KLHL24: variants seen among roughly 807,000 people sequenced by gnomAD.
KLHL24 encodes kelch-like protein 24.
KLHL24 carries 29 observed loss-of-function variants against 53.4 expected under a neutral mutation model. The ratio of observed to expected loss-of-function variants is 0.54; its 90% CI spans 0.40 to 0.74. The LOEUF (loss-of-function observed/expected upper bound fraction) is 0.74. Ranked by LOEUF, KLHL24 falls within the 30% of genes least tolerant of loss-of-function variation. The pLI, the probability that KLHL24 is intolerant of heterozygous loss-of-function variation, is 0.00. For synonymous variants in KLHL24, 222 were observed against 253.7 expected (o/e 0.88, Z 1.19); for missense variants, 504 against 744.0 (o/e 0.68, Z 3.75).
chr3:183,665,284 AG>A (rs1720368509), intron 5 of KLHL24, among the ~76,000 whole-genome samples: 1 of 152,226 alleles, frequency 6.6e-6, no homozygotes, highest in Non-Finnish European at 1.5e-5. Context: ...GCATCACTGA[AG>A]TCCAAATGCC....
intron 2 of KLHL24, among the ~76,000 whole-genome samples, chr3:183,648,171 C>T (rs1364031278): frequency 6.6e-6 from 1 of 151,868 alleles, no homozygotes; most frequent in Non-Finnish European, 1.5e-5. Flanking sequence ...TGAGAGAATT[C>T]ATGAAAATTG....
intron 7 of KLHL24, 70 bp downstream of exon 7, chr3:183,672,554 C>A: frequency 1.8e-6 from 2 of 1,100,214 alleles, no homozygotes; most frequent in African/African-American, 1.6e-5. Context: ...ATTATTAATA[C>A]ACTGGAATTT....
chr3:183,662,742 G>A (rs1719983451), intron 3 of KLHL24, among the ~76,000 whole-genome samples: 1 of 152,164 alleles, frequency 6.6e-6, no homozygotes, highest in Admixed American at 6.5e-5. Context: ...TGTAATGATA[G>A]AAATGGGGGG....
rs1719688355 is a variant in KLHL24 at position 183,661,029 on chromosome 3, C to A, written c.921-2429C>A. Among the ~76,000 whole-genome samples the A allele has an allele frequency of 2.6e-5, 2 of 75,676 alleles. 1 individual carries two copies. The highest frequency in any genetic ancestry group is 1.6e-4 in the African/African-American group (2 of 12,792). 49.6% of individuals were successfully genotyped at this position (75,676 alleles called of 152,430 possible). A position where few individuals can be genotyped will look rare whatever the true frequency, so the allele number is the denominator to read the frequency against. Reference sequence around the variant, plus strand: ...GCAGTGAGCCGAGATTGCGCCACCGCACTCCAGCCTGGGCGACAGAGCGAG... The same window carrying A: ...GCAGTGAGCCGAGATTGCGCCACCGAACTCCAGCCTGGGCGACAGAGCGAG... On this transcript the variant is annotated intron_variant, in intron 3 of 7. Transcript: ENST00000242810.
chr3:183,663,786 T>G lies in KLHL24; in HGVS notation c.1105+144T>G. The G allele has an allele frequency of 1.9e-6, 1 of 513,714 alleles. No individual in the cohort carries two copies. 31.8% of individuals were successfully genotyped at this position (513,714 alleles called of 1,614,324 possible). ...TACAACAAATAAAACCAAGAATGAC[T>G]TTTTGCTCTTAAAAACAGGTACAAG... On this transcript the variant is annotated intron_variant, in intron 4 of 7. Coordinates refer to ENST00000242810, the MANE Select transcript of KLHL24 (RefSeq NM_017644.3). The surrounding 1 kb of genome is among the most constrained non-coding windows in gnomAD (Gnocchi z 4.9).
intron 3 of KLHL24, among the ~76,000 whole-genome samples, chr3:183,661,076 A>AAC (rs1274005274): frequency 1.6e-5 from 2 of 127,294 alleles, no homozygotes; most frequent in African/African-American, 7.0e-5. Flanking sequence ...AAAAAAAAAA[A>AAC]AAAAAAAAAA....
At chr3:183,646,687 T>G (rs1287685264) in intron 2 of KLHL24, among the ~76,000 whole-genome samples, 1 of 152,192 alleles carries the variant, frequency 6.6e-6, no homozygotes, top group African/African-American at 2.4e-5. Context: ...CTAATTGATA[T>G]GAAGAGAATT....
rs369840916 is a variant in KLHL24, at chr3:183,679,241, C to T, written c.1758C>T (p.Gly586=). 3.7e-6 allele frequency: 6 copies of T among 1,613,950 alleles called. No homozygotes were observed. In the African/African-American group the frequency reaches 8.0e-5, roughly 22 times the overall value. The change falls in exon 8 of 8, where the codon GGC becomes GGT. Residue 586 remains glycine, a synonymous_variant. Transcript: ENST00000242810. ...AAMPRPVSYH[G]CVTIHRYNEK... is the part of the protein sequence containing the mutation. ...TGCCCAGGCCAGTGTCCTATCATGG[C>T]TGTGTGACTATTCATAGATACAATG...
At chr3:183,641,783 T>A (rs1716488080) in intron 1 of KLHL24, among the ~76,000 whole-genome samples, 1 of 152,198 alleles carries the variant, frequency 6.6e-6, no homozygotes, top group African/African-American at 2.4e-5. Flanking sequence ...CCTCATCGTA[T>A]AGAATTTCTG....
At chr3:183,655,795 GCCTGTAGTCCCATCTACTCGGGA>G (rs1333707681) in intron 3 of KLHL24, among the ~76,000 whole-genome samples, 1 of 151,922 alleles carries the variant, frequency 6.6e-6, no homozygotes, top group Non-Finnish European at 1.5e-5. Flanking sequence ...GGTGGAGCGT[GCCTGTAGTCCCATCTACTCGGGA>G]GGCTGAGGAG....
At chr3:183,646,361 C>CAAAAA (rs35945634) in intron 2 of KLHL24, among the ~76,000 whole-genome samples, 2 of 66,724 alleles carry the variant, frequency 3.0e-5, no homozygotes, top group African/African-American at 5.2e-5. Context: ...GACTCCATCT[C>CAAAAA]AAAAAAAAAA....
chr3:183,642,174 G>GT (rs1716545782), intron 1 of KLHL24, among the ~76,000 whole-genome samples: 1 of 152,156 alleles, frequency 6.6e-6, no homozygotes, highest in Non-Finnish European at 1.5e-5. Context: ...CTTTATAAAT[G>GT]TTTCATGAAT....
intron 3 of KLHL24, among the ~76,000 whole-genome samples, chr3:183,658,489 C>T (rs34001155): frequency 0.34 from 50,879 of 151,832 alleles, 9,370 homozygotes; most frequent in African/African-American, 0.49. Flanking sequence ...ATTTAGGTTG[C>T]TTCTAATTCA....
intron 3 of KLHL24, among the ~76,000 whole-genome samples, chr3:183,660,093 C>A (rs181166839): frequency 6.6e-6 from 1 of 150,648 alleles, no homozygotes; most frequent in African/African-American, 2.4e-5. Flanking sequence ...ATTTTCAGCT[C>A]GAAGAGGTAA....
At chr3:183,654,015 G>A (rs1018169528) in intron 3 of KLHL24, among the ~76,000 whole-genome samples, 1 of 152,162 alleles carries the variant, frequency 6.6e-6, no homozygotes, top group African/African-American at 2.4e-5. Context: ...GAGGAGTGAT[G>A]TCTCCACTTC....
intron 3 of KLHL24, among the ~76,000 whole-genome samples, chr3:183,652,999 C>G (rs1718341050): frequency 6.6e-6 from 1 of 152,152 alleles, no homozygotes; most frequent in Non-Finnish European, 1.5e-5. Context: ...TGAATGCAAT[C>G]AGATTGCAGC....
chr3:183,643,908 T>C (rs576148305), intron 2 of KLHL24, among the ~76,000 whole-genome samples: 36 of 152,342 alleles, frequency 2.4e-4, no homozygotes, highest in African/African-American at 8.4e-4. Context: ...TGCAAAAATG[T>C]TATAATGGTT....
In KLHL24 at chr3:183,641,546, A is replaced by G. The variant is rs570781552; in HGVS notation, c.-124-1934A>G. Among the ~76,000 whole-genome samples, 20 of 145,798 alleles carry G rather than the reference A, an allele frequency of 1.4e-4. No homozygotes were observed. In the South Asian group the frequency reaches 4.0e-3, roughly 29 times the overall value. On this transcript the variant is annotated intron_variant, in intron 1 of 7. Transcript: ENST00000242810. ...GACTTTCTTTCTTTTGAGTTACTATATATCTTTCAAGATAAACCTCTTGGT... is the reference window on the plus strand; with the variant it reads ...GACTTTCTTTCTTTTGAGTTACTATGTATCTTTCAAGATAAACCTCTTGGT...
At chr3:183,660,347 T>A (rs755877543) in intron 3 of KLHL24, among the ~76,000 whole-genome samples, 28 of 152,072 alleles carry the variant, frequency 1.8e-4, no homozygotes, top group Non-Finnish European at 3.8e-4. Flanking sequence ...CTTAGGCTGG[T>A]CTCAAACCCC....
Sources: allele counts gnomAD v4.1 joint callset (sites outside exome capture counted in the v4.1 genomes callset), GRCh38; gene constraint gnomAD v4.1.1; non-coding constraint Gnocchi (gnomAD v3.1); transcripts MANE v1.5; gene names NCBI Gene and HGNC (gene_info 2026-07-23, HGNC 2026-07-21).